Variants in MOB3B observed in about 807,000 individuals in gnomAD.
The protein encoded by MOB3B is MOB kinase activator-like 2B.
MOB3B carries 7 observed loss-of-function variants against 18.7 expected under a neutral mutation model. That is an observed-to-expected ratio of 0.37 (90% confidence interval 0.21 to 0.70). MOB3B has a LOEUF of 0.70. MOB3B is among the 30% of genes least tolerant of loss of function. The pLI is 0.52. For synonymous variants in MOB3B, 111 were observed against 99.9 expected, an observed-to-expected ratio of 1.11 and a Z score of -0.66; for missense variants, 253 against 281.3, an observed-to-expected ratio of 0.90 and a Z score of 0.72.
rs1554651386 is a variant in MOB3B, at chr9:27,470,124, A to AAAAAAG, written c.-198-14377_-198-14376insCTTTTT. On this transcript the variant is annotated intron_variant, in intron 1 of 3. Coordinates refer to ENST00000262244, the MANE Select transcript of MOB3B (RefSeq NM_024761.5). ...CCCTGTCTCTTAAAAGAAAAAAAAA[A>AAAAAAG]AAAAGAAAAGAAAACTACCCCAACT... 1.4e-3 allele frequency among the ~76,000 whole-genome samples: 205 copies of AAAAAAG among 150,692 alleles called. 1 individual carries two copies. Among genetic ancestry groups the AAAAAAG allele is most frequent in the African/African-American group, 2.7e-3 (109 of 41,116 alleles).
chr9:27,417,293 G>A (rs887512244), intron 2 of MOB3B, among the ~76,000 whole-genome samples: 7 of 152,238 alleles, frequency 4.6e-5, no homozygotes, highest in Non-Finnish European at 7.3e-5. Flanking sequence ...GAACCTGGGA[G>A]GCGGAGCTTG....
intron 2 of MOB3B, among the ~76,000 whole-genome samples, chr9:27,415,005 G>T (rs953865615): frequency 1.3e-5 from 2 of 152,136 alleles, no homozygotes; most frequent in African/African-American, 4.8e-5. Flanking sequence ...GGGATTACAG[G>T]TGTGCACCAC....
chr9:27,365,936 G>C (rs927631093), intron 2 of MOB3B, among the ~76,000 whole-genome samples: 2 of 152,224 alleles, frequency 1.3e-5, no homozygotes, highest in Non-Finnish European at 2.9e-5. Context: ...CCTAAGCAGA[G>C]GCCAGAATCC....
At chr9:27,492,949 A>C (rs1363403513) in intron 1 of MOB3B, among the ~76,000 whole-genome samples, 1 of 152,210 alleles carries the variant, frequency 6.6e-6, no homozygotes, top group Non-Finnish European at 1.5e-5. Context: ...AATGGGGATA[A>C]GTATTCCTAT....
chr9:27,425,544 A>G (rs762398727), intron 2 of MOB3B, among the ~76,000 whole-genome samples: 3 of 152,214 alleles, frequency 2.0e-5, no homozygotes, highest in Non-Finnish European at 4.4e-5. Context: ...AATCAAGCAC[A>G]TTAATACCTT....
At chr9:27,420,829 A>G (rs913918769) in intron 2 of MOB3B, among the ~76,000 whole-genome samples, 12 of 151,796 alleles carry the variant, frequency 7.9e-5, no homozygotes, top group African/African-American at 2.9e-4. Flanking sequence ...AAAAGACTTC[A>G]AATATGGTGC....
intron 1 of MOB3B, among the ~76,000 whole-genome samples, chr9:27,502,443 C>T (rs1820005447): frequency 6.6e-6 from 1 of 152,152 alleles, no homozygotes; most frequent in African/African-American, 2.4e-5. Context: ...AGCATTTTAC[C>T]TCTGAATAAC....
intron 1 of MOB3B, among the ~76,000 whole-genome samples, chr9:27,475,052 T>G (rs1336904580): frequency 6.6e-6 from 1 of 152,228 alleles, no homozygotes; most frequent in Non-Finnish European, 1.5e-5. Flanking sequence ...TATAAAACAC[T>G]GTGACCTCTC....
chr9:27,475,293 C>A (rs1819537361), intron 1 of MOB3B, among the ~76,000 whole-genome samples: 1 of 152,234 alleles, frequency 6.6e-6, no homozygotes, highest in African/African-American at 2.4e-5. Flanking sequence ...CAGCTGCAGC[C>A]TCAGCCTTGG....
chr9:27,483,551 T>C (rs901709553), intron 1 of MOB3B, among the ~76,000 whole-genome samples: 2 of 152,250 alleles, frequency 1.3e-5, no homozygotes, highest in African/African-American at 2.4e-5. Flanking sequence ...TGACTTTCTT[T>C]TTAAGAATTC....
chr9:27,343,998 G>T (rs1466225342), intron 3 of MOB3B, among the ~76,000 whole-genome samples: 5 of 152,058 alleles, frequency 3.3e-5, no homozygotes, highest in Non-Finnish European at 7.3e-5. Context: ...GGTAATGGTT[G>T]CATGACAATG....
At chr9:27,438,712 C>T (rs761732920) in intron 2 of MOB3B, among the ~76,000 whole-genome samples, 9 of 152,130 alleles carry the variant, frequency 5.9e-5, no homozygotes, top group South Asian at 2.1e-4. Flanking sequence ...CGTACACTTG[C>T]GGCGCCTGAA....
intron 2 of MOB3B, among the ~76,000 whole-genome samples, chr9:27,403,726 G>A (rs1479193676): frequency 2.0e-5 from 3 of 151,672 alleles, no homozygotes; most frequent in African/African-American, 4.8e-5. Flanking sequence ...TGATCCACCC[G>A]CCTCGGCCTC....
At chr9:27,351,769 A>G (rs10967907) in intron 3 of MOB3B, among the ~76,000 whole-genome samples, 62,349 of 151,944 alleles carry the variant, frequency 0.41, 13,108 homozygotes, top group Middle Eastern at 0.49. Flanking sequence ...CACCCAAGCA[A>G]CTCTGAGAGA....
rs142823614 is a variant in MOB3B at position 27,478,390 on chromosome 9, G to A, written c.-198-22642C>T. Among the ~76,000 whole-genome samples the A allele has an allele frequency of 1.8e-3, 268 of 152,104 alleles. 2 individuals are homozygous for A. The highest frequency in any genetic ancestry group is 5.5e-3 in the African/African-American group (230 of 41,490). ...CTGACAGGATCTATAAGCTAATTAC[G>A]TTTAAAAGTTTTTTTTAACATAAAA... On this transcript the variant is annotated intron_variant, in intron 1 of 3. Coordinates refer to ENST00000262244, the MANE Select transcript of MOB3B (RefSeq NM_024761.5).
intron 2 of MOB3B, among the ~76,000 whole-genome samples, chr9:27,447,090 C>T (rs1822703966): frequency 6.6e-6 from 1 of 152,028 alleles, no homozygotes; most frequent in South Asian, 2.1e-4. Flanking sequence ...TACAAAGGTT[C>T]GTTGAAGGAA....
At chr9:27,381,555 A>G (rs1163491589) in intron 2 of MOB3B, among the ~76,000 whole-genome samples, 1 of 152,184 alleles carries the variant, frequency 6.6e-6, no homozygotes, top group Non-Finnish European at 1.5e-5. Flanking sequence ...GTGTAACGGC[A>G]ACACCAGTCA....
intron 2 of MOB3B, among the ~76,000 whole-genome samples, chr9:27,428,440 T>C (rs2131419780): frequency 6.6e-6 from 1 of 152,344 alleles, no homozygotes; most frequent in South Asian, 2.1e-4. Context: ...CAGGGGTACC[T>C]CTAACTTAGT....
At chr9:27,340,150 C>T (rs548004352) in intron 3 of MOB3B, among the ~76,000 whole-genome samples, 1 of 152,218 alleles carries the variant, frequency 6.6e-6, no homozygotes, top group Non-Finnish European at 1.5e-5. Flanking sequence ...TGTTCCTAAA[C>T]AACAGCCCAC....
Sources: gnomAD v4.1 joint callset for allele counts (sites outside exome capture counted in the v4.1 genomes callset) on GRCh38, gnomAD v4.1.1 for gene constraint, MANE v1.5 for transcripts, NCBI Gene and HGNC (gene_info 2026-07-23, HGNC 2026-07-21) for gene names.